The following PCDHA1 variants were observed in gnomAD, a reference collection of about 807,000 sequenced individuals.
PCDHA1 encodes the protein protocadherin alpha-1.
In PCDHA1, 42 loss-of-function variants were observed where a neutral mutation model predicts 61.3. That is an observed-to-expected ratio of 0.69 (90% CI 0.54 to 0.89). The LOEUF (loss-of-function observed/expected upper bound fraction) is 0.89, where lower values mean the gene tolerates loss of function less well. PCDHA1 is among the 40% of genes least tolerant of loss of function. The probability of loss-of-function intolerance (pLI) is 0.00; values close to 1 mark genes in which losing one functional copy is unlikely to be tolerated. For synonymous variants in PCDHA1, 610 were observed against 553.8 expected (o/e 1.10, Z -1.43); for missense variants, 1,256 against 1,235.3 (o/e 1.02, Z -0.25).
intron 1 of PCDHA1, chr5:140,966,327 C>A (rs1381846026): frequency 5.1e-6 from 2 of 392,388 alleles, no homozygotes; most frequent in East Asian, 3.6e-5. Flanking sequence ...CCGCTGGGAT[C>A]CGGCAGGTCC....
chr5:140,957,328 G>A (rs1312649094), intron 1 of PCDHA1, among the ~76,000 whole-genome samples: 1 of 152,134 alleles, frequency 6.6e-6, no homozygotes, highest in Admixed American at 6.5e-5. Context: ...GCACAGTACA[G>A]TAAGATATTT....
intron 1 of PCDHA1, among the ~76,000 whole-genome samples, chr5:140,913,855 T>C (rs1554196077): frequency 6.6e-6 from 1 of 152,220 alleles, no homozygotes; most frequent in Admixed American, 6.5e-5. Context: ...TTCAGGAGCA[T>C]ATTGTTTAAT....
chr5:140,797,154 T>TGC, intron 1 of PCDHA1: 1 of 1,613,844 alleles, frequency 6.2e-7, no homozygotes, highest in Non-Finnish European at 8.5e-7. Flanking sequence ...CCACCGAGGG[T>TGC]GCGCGCGCGC....
chr5:140,830,290 G>A (rs2150184535), intron 1 of PCDHA1: 3 of 1,613,848 alleles, frequency 1.9e-6, no homozygotes, highest in East Asian at 2.2e-5. Context: ...GCGCGTGCAC[G>A]GCGGACAAGC....
chr5:140,814,837 G>A (rs1178502842), intron 1 of PCDHA1: 1 of 152,114 alleles, frequency 6.6e-6, no homozygotes, highest in Non-Finnish European at 1.5e-5. Context: ...CTCCATTTCT[G>A]TGAATGTTTG....
chr5:140,892,608 TA>T (rs1442553538), intron 1 of PCDHA1, among the ~76,000 whole-genome samples: 2 of 152,184 alleles, frequency 1.3e-5, no homozygotes, highest in African/African-American at 4.8e-5. Flanking sequence ...TTTTTCCTTT[TA>T]TTTCCAGTTG....
At chr5:140,834,349 T>A in intron 1 of PCDHA1, 2 of 1,534,320 alleles carry the variant, frequency 1.3e-6, no homozygotes, top group Non-Finnish European at 1.8e-6. Flanking sequence ...CGAAGGCAAG[T>A]TTTGCTGACT....
In PCDHA1 at chr5:140,876,944, C is replaced by T. The variant is rs550148099; in HGVS notation, c.2394+88260C>T. On this transcript the variant is annotated intron_variant, in intron 1 of 3. Transcript: ENST00000504120. ...GACGCGCAGAAGAACGCGCTGGTGT[C>T]CTACTCGCTGGTGGAGCGGCGGGTG... is the stretch of plus-strand genomic sequence containing the variant. The T allele has an allele frequency of 9.9e-6, 16 of 1,613,620 alleles. No individual in the cohort carries two copies. In the South Asian group the frequency reaches 1.5e-4, roughly 16 times the overall value.
intron 1 of PCDHA1, chr5:140,803,987 A>G: frequency 3.5e-6 from 1 of 282,346 alleles, no homozygotes. Flanking sequence ...ACTTCCTACT[A>G]CCTGTTAGTA....
intron 1 of PCDHA1, among the ~76,000 whole-genome samples, chr5:140,899,954 T>C (rs1240765868): frequency 6.6e-6 from 1 of 151,586 alleles, no homozygotes; most frequent in Non-Finnish European, 1.5e-5. Context: ...ACCACAGGCA[T>C]GTGCTGCCAT....
chr5:140,877,844 G>A lies in PCDHA1; in HGVS notation c.2394+89160G>A, dbSNP rs945643108. The A allele has an allele frequency of 5.1e-6, 8 of 1,568,656 alleles. No homozygotes were observed. In the African/African-American group the frequency reaches 8.3e-5, roughly 16 times the overall value. ...TGTTTAAATCCTCCCAGTGAAGTAA[G>A]TTATTAATATTATTTAGATATATTT... On this transcript the variant is annotated intron_variant, in intron 1 of 3. Coordinates refer to ENST00000504120, the MANE Select transcript of PCDHA1 (RefSeq NM_018900.4).
chr5:140,878,727 C>A (rs1329578817), intron 1 of PCDHA1, among the ~76,000 whole-genome samples: 2 of 152,186 alleles, frequency 1.3e-5, no homozygotes, highest in Non-Finnish European at 2.9e-5. Context: ...AAATTTCCAG[C>A]CTTATATCTA....
intron 1 of PCDHA1, chr5:140,969,419 T>C: frequency 6.4e-7 from 1 of 1,563,564 alleles, no homozygotes; most frequent in Non-Finnish European, 8.7e-7. Flanking sequence ...ATTGAGTCAT[T>C]AACAGTGACA....
At chr5:140,968,094 A>T in intron 1 of PCDHA1, 1 of 1,614,138 alleles carries the variant, frequency 6.2e-7, no homozygotes, top group Non-Finnish European at 8.5e-7. Flanking sequence ...ACAGCCACAG[A>T]TGGGGGAATA....
chr5:140,941,251 C>CT (rs1177440606), intron 1 of PCDHA1, among the ~76,000 whole-genome samples: 1 of 121,786 alleles, frequency 8.2e-6, no homozygotes, highest in Non-Finnish European at 1.8e-5. Context: ...TTCTTTCTTT[C>CT]TTTCTCTTTC....
intron 1 of PCDHA1, among the ~76,000 whole-genome samples, chr5:140,873,040 T>C (rs2153278087): frequency 6.6e-6 from 1 of 152,312 alleles, no homozygotes; most frequent in South Asian, 2.1e-4. Flanking sequence ...CGTAGAGTGG[T>C]GGTATTACAG....
intron 1 of PCDHA1, chr5:140,849,617 G>C (rs2150442549): frequency 6.3e-7 from 1 of 1,598,746 alleles, no homozygotes; most frequent in Non-Finnish European, 8.6e-7. Context: ...TGATTAGTGT[G>C]ATCGACCTAG....
At chr5:140,930,616 G>T (rs2086997332) in intron 1 of PCDHA1, among the ~76,000 whole-genome samples, 2 of 152,154 alleles carry the variant, frequency 1.3e-5, no homozygotes, top group African/African-American at 4.8e-5. Context: ...TGCAAGAGAA[G>T]GAGGTGTGTA....
intron 1 of PCDHA1, chr5:140,830,575 T>A: frequency 1.1e-6 from 1 of 879,468 alleles, no homozygotes. Context: ...CTGTTTTTAA[T>A]TTTTAATTAA....
Sources: gnomAD v4.1 joint callset for allele counts (sites outside exome capture counted in the v4.1 genomes callset) on GRCh38, gnomAD v4.1.1 for gene constraint, MANE v1.5 for transcripts, NCBI Gene and HGNC (gene_info 2026-07-23, HGNC 2026-07-21) for gene names.